Variants in NOX4 observed in about 807,000 individuals in gnomAD.
NOX4 encodes NADPH oxidase 4, also known as kidney oxidase-1.
A neutral mutation model predicts 87.6 loss-of-function variants in NOX4; 69 were observed. That is an observed-to-expected ratio of 0.79 (90% CI 0.65 to 0.96). NOX4 has a LOEUF of 0.96. NOX4 is among the 40% of genes least tolerant of loss of function. NOX4 has a pLI of 0.00. For synonymous variants in NOX4, 275 were observed against 238.2 expected, an observed-to-expected ratio of 1.15 and a Z score of -1.42; for missense variants, 680 against 681.5, an observed-to-expected ratio of 1.00 and a Z score of 0.02.
chr11:89,523,085 C>A, the NOX4 span, among the ~76,000 whole-genome samples: 1 of 151,750 alleles, frequency 6.6e-6, no homozygotes, highest in Non-Finnish European at 1.5e-5. Context: ...AATGCAGTGG[C>A]GCGATTTTGG....
chr11:89,572,039 GC>G, the NOX4 span, among the ~76,000 whole-genome samples: 4 of 152,066 alleles, frequency 2.6e-5, no homozygotes, highest in Admixed American at 2.0e-4. Context: ...TTTTGCCTCC[GC>G]CCCCCTCAAG....
chr11:89,536,696 C>T, the NOX4 span, among the ~76,000 whole-genome samples: 1 of 152,100 alleles, frequency 6.6e-6, no homozygotes, highest in South Asian at 2.1e-4. Flanking sequence ...ACTCCTTTTT[C>T]TCCTCCTCCT....
chr11:89,541,320 C>A, the NOX4 span, among the ~76,000 whole-genome samples: 1 of 152,148 alleles, frequency 6.6e-6, no homozygotes, highest in Admixed American at 6.5e-5. Flanking sequence ...ATTTCCACCA[C>A]TCCCTAAGAA....
At chr11:89,485,254 A>G (rs1946546692) in intron 2 of NOX4, among the ~76,000 whole-genome samples, 1 of 152,200 alleles carries the variant, frequency 6.6e-6, no homozygotes, top group African/African-American at 2.4e-5. Flanking sequence ...GTTTAAAAAA[A>G]GCTTCAAGAT....
intron 7 of NOX4, among the ~76,000 whole-genome samples, chr11:89,424,249 T>C (rs1943250419): frequency 1.3e-5 from 2 of 151,954 alleles, no homozygotes; most frequent in East Asian, 3.9e-4. Flanking sequence ...AAACTAATTA[T>C]AGTTAATAAA....
At chr11:89,355,417 A>T (rs1468693441) in intron 12 of NOX4, among the ~76,000 whole-genome samples, 1 of 149,420 alleles carries the variant, frequency 6.7e-6, no homozygotes, top group Admixed American at 6.7e-5. Context: ...ATACATTTCT[A>T]CATATAGATA....
intron 13 of NOX4, among the ~76,000 whole-genome samples, chr11:89,343,704 T>C (rs908447891): frequency 5.3e-5 from 8 of 152,190 alleles, no homozygotes; most frequent in Non-Finnish European, 7.3e-5. Context: ...AAGAATGTTA[T>C]GTTGCTATTA....
intron 12 of NOX4, among the ~76,000 whole-genome samples, chr11:89,358,920 A>T (rs1163492595): frequency 1.3e-5 from 2 of 152,026 alleles, no homozygotes; most frequent in Non-Finnish European, 1.5e-5. Flanking sequence ...GAAGAAATTC[A>T]TTAAAGCCAC....
At chr11:89,445,472 T>G (rs1944660163) in intron 4 of NOX4, among the ~76,000 whole-genome samples, 1 of 152,072 alleles carries the variant, frequency 6.6e-6, no homozygotes, top group East Asian at 1.9e-4. Context: ...CAGGACTTAC[T>G]ATGAAGTTAC....
At chr11:89,430,089 C>A (rs1033271360) in intron 7 of NOX4, among the ~76,000 whole-genome samples, 1 of 152,104 alleles carries the variant, frequency 6.6e-6, no homozygotes, top group African/African-American at 2.4e-5. Flanking sequence ...ATAAACAGAA[C>A]CAAAGACAAA....
At chr11:89,339,399 G>A (rs1337297656) in intron 15 of NOX4, among the ~76,000 whole-genome samples, 1 of 152,134 alleles carries the variant, frequency 6.6e-6, no homozygotes, top group Non-Finnish European at 1.5e-5. Context: ...GAACACTTAA[G>A]AGTTACCTCT....
intron 8 of NOX4, among the ~76,000 whole-genome samples, chr11:89,404,986 C>T (rs1942086656): frequency 6.6e-6 from 1 of 151,886 alleles, no homozygotes; most frequent in Admixed American, 6.6e-5. Flanking sequence ...AGAAACCTAC[C>T]TAGCTCACTC....
intron 13 of NOX4, among the ~76,000 whole-genome samples, chr11:89,349,287 A>C (rs901379242): frequency 6.7e-6 from 1 of 149,412 alleles, no homozygotes; most frequent in Non-Finnish European, 1.5e-5. Flanking sequence ...ACTCTGTCTA[A>C]AAAATAAAAT....
At chr11:89,585,112 G>T in the NOX4 span, among the ~76,000 whole-genome samples, 4 of 152,190 alleles carry the variant, frequency 2.6e-5, no homozygotes, top group South Asian at 8.3e-4. Flanking sequence ...AGCTTACACC[G>T]GCGCTTATAG....
chr11:89,390,508 T>C (rs1238490997), intron 11 of NOX4, among the ~76,000 whole-genome samples: 1 of 152,198 alleles, frequency 6.6e-6, no homozygotes, highest in African/African-American at 2.4e-5. Context: ...ATAATTGAGA[T>C]TTAATAAAGC....
intron 11 of NOX4, among the ~76,000 whole-genome samples, chr11:89,379,396 T>C (rs2135087614): frequency 6.6e-6 from 1 of 151,458 alleles, no homozygotes; most frequent in Non-Finnish European, 1.5e-5. Flanking sequence ...TCTGTTTGTG[T>C]CTGTATATGG....
At chr11:89,537,700 C>T in the NOX4 span, among the ~76,000 whole-genome samples, 2 of 151,966 alleles carry the variant, frequency 1.3e-5, no homozygotes, top group Non-Finnish European at 2.9e-5. Flanking sequence ...GAAAAAAAAT[C>T]GATCACATAT....
intron 2 of NOX4, chr11:89,488,958 G>A (rs1946737350): frequency 4.3e-6 from 3 of 701,062 alleles, no homozygotes; most frequent in Admixed American, 4.0e-5. Flanking sequence ...TACTCTCTGG[G>A]TGCCCATCTG....
At chr11:89,334,851 T>G (rs1359850827) in intron 17 of NOX4, among the ~76,000 whole-genome samples, 1 of 151,590 alleles carries the variant, frequency 6.6e-6, no homozygotes, top group African/African-American at 2.4e-5. Flanking sequence ...AAAAATATGA[T>G]TAGTTCAAAT....
Sources: allele counts gnomAD v4.1 joint callset (sites outside exome capture counted in the v4.1 genomes callset), GRCh38; gene constraint gnomAD v4.1.1; transcripts MANE v1.5; gene names NCBI Gene and HGNC (gene_info 2026-07-23, HGNC 2026-07-21).